LRMDA: variants seen among roughly 807,000 people sequenced by gnomAD.
The protein encoded by LRMDA is leucine rich melanocyte differentiation associated.
Under a neutral mutation model 29.8 loss-of-function variants are expected in LRMDA, and 18 were observed. The ratio of observed to expected loss-of-function variants is 0.60; its 90% CI spans 0.42 to 0.90. LRMDA has a LOEUF of 0.90. Among genes scored for constraint, LRMDA ranks in the 40% least tolerant of loss-of-function variants. The pLI, the probability that LRMDA is intolerant of heterozygous loss-of-function variation, is 0.00. For synonymous variants in LRMDA, 125 were observed against 109.4 expected, an observed-to-expected ratio of 1.14 and a Z score of -0.89; for missense variants, 273 against 273.9, an observed-to-expected ratio of 1.00 and a Z score of 0.02.
At chr10:76,258,262 A>C (rs1839892107) in intron 5 of LRMDA, among the ~76,000 whole-genome samples, 1 of 152,138 alleles carries the variant, frequency 6.6e-6, no homozygotes, top group South Asian at 2.1e-4. Flanking sequence ...CCATCTTCAT[A>C]CTTCGTCTCA....
chr10:76,247,207 G>A (rs1369054468), intron 5 of LRMDA, among the ~76,000 whole-genome samples: 1 of 152,152 alleles, frequency 6.6e-6, no homozygotes, highest in Non-Finnish European at 1.5e-5. Flanking sequence ...TGTTTATGGG[G>A]TTAAAATACA....
chr10:75,733,264 A>G (rs572040734), intron 2 of LRMDA, among the ~76,000 whole-genome samples: 2 of 152,330 alleles, frequency 1.3e-5, no homozygotes, highest in Non-Finnish European at 2.9e-5. Flanking sequence ...GCTCTGCATC[A>G]TTGGTGGCTC....
intron 5 of LRMDA, among the ~76,000 whole-genome samples, chr10:76,148,413 C>T (rs144942151): frequency 0.11 from 17,018 of 152,160 alleles, 1,100 homozygotes; most frequent in East Asian, 0.24. Context: ...CCCCCAACCT[C>T]GCTGCCGCCT....
At chr10:76,327,394 T>A (rs750080382) in intron 6 of LRMDA, among the ~76,000 whole-genome samples, 7 of 152,114 alleles carry the variant, frequency 4.6e-5, no homozygotes, top group Non-Finnish European at 8.8e-5. Context: ...CCCAGCCTCA[T>A]CTTCTCTTTG....
chr10:76,417,316 A>G (rs1259064606), intron 6 of LRMDA, among the ~76,000 whole-genome samples: 2 of 152,214 alleles, frequency 1.3e-5, no homozygotes, highest in African/African-American at 4.8e-5. Flanking sequence ...AAGAAAATGG[A>G]AAGAGTTCTT....
chr10:75,888,193 C>T (rs1424690526), intron 2 of LRMDA, among the ~76,000 whole-genome samples: 1 of 152,256 alleles, frequency 6.6e-6, no homozygotes, highest in East Asian at 1.9e-4. Context: ...GCCCTGTAGC[C>T]ACAGAGGCCT....
At chr10:76,057,727 GTACT>G (rs1400283923) in intron 4 of LRMDA, among the ~76,000 whole-genome samples, 1 of 152,184 alleles carries the variant, frequency 6.6e-6, no homozygotes, top group Non-Finnish European at 1.5e-5. Context: ...TTGACACTGT[GTACT>G]TACCTCTTGA....
intron 5 of LRMDA, among the ~76,000 whole-genome samples, chr10:76,066,268 A>T (rs1397397376): frequency 6.6e-6 from 1 of 152,186 alleles, no homozygotes; most frequent in Admixed American, 6.5e-5. Flanking sequence ...CTGGCTGCCT[A>T]GTGGTACATT....
At chr10:76,403,676 T>C (rs1564531774) in intron 6 of LRMDA, among the ~76,000 whole-genome samples, 1 of 152,042 alleles carries the variant, frequency 6.6e-6, no homozygotes, top group Non-Finnish European at 1.5e-5. Context: ...TTTTGAAGAG[T>C]TTCAGCTTGC....
intron 5 of LRMDA, among the ~76,000 whole-genome samples, chr10:76,087,334 C>T (rs1849153772): frequency 6.6e-6 from 1 of 152,210 alleles, no homozygotes; most frequent in Non-Finnish European, 1.5e-5. Context: ...CTGCGACTTT[C>T]AGATTCTCTA....
intron 2 of LRMDA, among the ~76,000 whole-genome samples, chr10:75,949,403 T>G (rs1034924970): frequency 2.0e-5 from 3 of 152,184 alleles, no homozygotes; most frequent in African/African-American, 7.2e-5. Context: ...GTAAAAGTCT[T>G]AAAATGTTGG....
chr10:76,231,995 T>C (rs139294112), intron 5 of LRMDA, among the ~76,000 whole-genome samples: 132 of 152,288 alleles, frequency 8.7e-4, no homozygotes, highest in Non-Finnish European at 1.6e-3. Context: ...AAAATCACAT[T>C]CTTGGCTATT....
intron 2 of LRMDA, among the ~76,000 whole-genome samples, chr10:75,511,663 T>C (rs1299343953): frequency 1.3e-5 from 2 of 152,172 alleles, no homozygotes; most frequent in East Asian, 1.9e-4. Flanking sequence ...TGTGTAAAAA[T>C]AACCTATATT....
chr10:76,536,712 G>A (rs2132379584), intron 6 of LRMDA, among the ~76,000 whole-genome samples: 1 of 152,256 alleles, frequency 6.6e-6, no homozygotes, highest in African/African-American at 2.4e-5. Context: ...GTTATTTAAT[G>A]ATCCCTTTTC....
At chr10:76,274,125 A>T (rs1194120629) in intron 5 of LRMDA, among the ~76,000 whole-genome samples, 1 of 152,132 alleles carries the variant, frequency 6.6e-6, no homozygotes, top group Non-Finnish European at 1.5e-5. Flanking sequence ...TATATCCTAG[A>T]CTGTTTCAGG....
At chr10:76,451,142 G>A (rs1463445334) in intron 6 of LRMDA, among the ~76,000 whole-genome samples, 2 of 152,020 alleles carry the variant, frequency 1.3e-5, no homozygotes, top group Non-Finnish European at 2.9e-5. Flanking sequence ...TACTCTTGAA[G>A]TTTGAAGTGA....
chr10:76,038,066 A>G lies in LRMDA; in HGVS notation c.258+1932A>G, dbSNP rs144991464. Reference sequence around the variant, plus strand: ...GCTGTCTTAGATGATCAGTTGGCCAATATTCTCAAATAAATCAAGGACAGA... The same window carrying G: ...GCTGTCTTAGATGATCAGTTGGCCAGTATTCTCAAATAAATCAAGGACAGA... On this transcript the variant is annotated intron_variant, in intron 3 of 6. Coordinates refer to ENST00000611255, the MANE Select transcript of LRMDA (RefSeq NM_001305581.2). Among the ~76,000 whole-genome samples the G allele has an allele frequency of 3.5e-3, 539 of 152,246 alleles. 4 individuals are homozygous for G. Among genetic ancestry groups the G allele is most frequent in the African/African-American group, 0.01 (433 of 41,528 alleles).
intron 2 of LRMDA, among the ~76,000 whole-genome samples, chr10:75,643,909 T>A (rs1391970121): frequency 6.6e-6 from 1 of 152,312 alleles, no homozygotes; most frequent in African/African-American, 2.4e-5. Context: ...CCCCCTAAGT[T>A]ATTTCAGCAG....
intron 2 of LRMDA, among the ~76,000 whole-genome samples, chr10:75,956,237 C>T (rs576076485): frequency 1.3e-5 from 2 of 152,138 alleles, no homozygotes; most frequent in Non-Finnish European, 2.9e-5. Context: ...AAGTAGATAG[C>T]AGAATGAACT....
Sources: gnomAD v4.1 joint callset for allele counts (sites outside exome capture counted in the v4.1 genomes callset) on GRCh38, gnomAD v4.1.1 for gene constraint, MANE v1.5 for transcripts, NCBI Gene and HGNC (gene_info 2026-07-23, HGNC 2026-07-21) for gene names.